The following MAST3 variants were observed in gnomAD, a reference collection of about 807,000 sequenced individuals.
The protein encoded by MAST3 is microtubule associated serine/threonine kinase 3, also known as microtubule-associated serine/threonine-protein kinase 3.
Under a neutral mutation model 127.0 loss-of-function variants are expected in MAST3, and 43 were observed. The ratio of observed to expected loss-of-function variants is 0.34; its 90% CI spans 0.27 to 0.44. The LOEUF is 0.44. Among genes scored for constraint, MAST3 ranks in the 20% least tolerant of loss-of-function variants. The pLI is 1.00. For synonymous variants in MAST3, 785 were observed against 809.2 expected, an observed-to-expected ratio of 0.97 and a Z score of 0.51; for missense variants, 1,390 against 1,919.1, an observed-to-expected ratio of 0.72 and a Z score of 5.15.
At chr19:18,121,962 CGGGCAAGGGTT>C in intron 5 of MAST3, 40 bp downstream of exon 5, 1 of 1,610,636 alleles carries the variant, frequency 6.2e-7, no homozygotes, top group Admixed American at 1.7e-5. Flanking sequence ...GCGGGCACCA[CGGGCAAGGGTT>C]GGGCAGGGGC....
intron 11 of MAST3, among the ~76,000 whole-genome samples, 159 bp downstream of exon 11, chr19:18,124,933 C>CCCG (rs1555798757): frequency 8.8e-5 from 12 of 135,942 alleles, no homozygotes; most frequent in Non-Finnish European, 1.5e-4. Flanking sequence ...TGGTGGAAAC[C>CCCG]CCCCCCCTAC....
chr19:18,121,661 C>G, intron 3 of MAST3, 24 bp from the exon 4 acceptor site: 2 of 1,608,882 alleles, frequency 1.2e-6, no homozygotes, highest in Non-Finnish European at 1.7e-6. Context: ...CAGCCACCTA[C>G]CCTGTCCCCT....
At chr19:18,126,906 G>A (rs930537787) in intron 11 of MAST3, among the ~76,000 whole-genome samples, 139 of 151,654 alleles carry the variant, frequency 9.2e-4, no homozygotes, top group African/African-American at 3.3e-3. Flanking sequence ...TCAGCCTCCC[G>A]AGTAGCTGGG....
At chr19:18,148,678 G>A (rs1310567088) in intron 27 of MAST3, among the ~76,000 whole-genome samples, 2 of 151,954 alleles carry the variant, frequency 1.3e-5, no homozygotes, top group African/African-American at 2.4e-5. Flanking sequence ...CAAAGCAGGC[G>A]GATCACTTGA....
intron 12 of MAST3, 61 bp from the exon 13 acceptor site, chr19:18,128,805 G>T: frequency 7.3e-7 from 1 of 1,365,090 alleles, no homozygotes. Context: ...GGGCTTGGGG[G>T]CAGGAGAAGC....
intron 25 of MAST3, among the ~76,000 whole-genome samples, chr19:18,146,195 T>C (rs993810255): frequency 1.3e-5 from 2 of 152,046 alleles, no homozygotes; most frequent in Non-Finnish European, 2.9e-5. Context: ...TCCCAGCACT[T>C]TGGGAGGCCG....
In MAST3 at chr19:18,145,431, C is replaced by T. The variant is rs916570785; in HGVS notation, c.3039+202C>T. On this transcript the variant is annotated intron_variant, in intron 24 of 27. Coordinates refer to ENST00000687212, the MANE Select transcript of MAST3 (RefSeq NM_001393504.1). This position sits in a 1 kb window ranked among gnomAD's most constrained non-coding sequence, Gnocchi z 5.9. ...GATGGATGGATGGAAGCTCACAGAT[C>T]CCAAGTGGCATTAACCTCCCAGCTC... 6.6e-6 allele frequency among the ~76,000 whole-genome samples: 1 copy of T among 152,176 alleles called. No individual in the cohort carries two copies. Among genetic ancestry groups the T allele is most frequent in the Non-Finnish European group, 1.5e-5 (1 of 68,022 alleles).
At position 18,110,359 on chromosome 19, in the gene MAST3, A is replaced by G; in HGVS notation, c.72-293A>G. ...GGACAAGCTGCACATCCCGGCGCTG[A>G]CCCTCGAGTGAGTGTTGGGCAGGGC... is the stretch of plus-strand genomic sequence containing the variant. On this transcript the variant is annotated intron_variant, in intron 2 of 27. Coordinates refer to ENST00000687212, the MANE Select transcript of MAST3 (RefSeq NM_001393504.1). This position sits in a 1 kb window ranked among gnomAD's most constrained non-coding sequence, Gnocchi z 4.3. 7 of 985,450 alleles carry G rather than the reference A, an allele frequency of 7.1e-6. No individual in the cohort carries two copies. Among genetic ancestry groups the G allele is most frequent in the Non-Finnish European group, 8.4e-6 (7 of 830,012 alleles). The allele number at this position is 985,450 out of a possible 1,614,324, so 61.0% of individuals were successfully genotyped here. A position where few individuals can be genotyped will look rare whatever the true frequency, so the allele number is the denominator to read the frequency against.
chr19:18,100,783 G>A (rs1015326603), intron 1 of MAST3, among the ~76,000 whole-genome samples: 3 of 152,196 alleles, frequency 2.0e-5, no homozygotes, highest in Non-Finnish European at 4.4e-5. Context: ...CTTGTTAATG[G>A]TCCAGGAGCA....
chr19:18,143,996 C>T lies in MAST3; in HGVS notation c.2573C>T (p.Ser858Leu), dbSNP rs779287693. 8.9e-6 allele frequency: 14 copies of T among 1,567,406 alleles called. No homozygotes were observed. Among genetic ancestry groups the T allele is most frequent in the South Asian group, 8.2e-5 (7 of 85,834 alleles). Reference protein sequence around the residue: ...PAATPVMPKPSSLSADTAALS... With the variant: ...PAATPVMPKPLSLSADTAALS... ...GCCACCCCAGTGATGCCCAAGCCCT[C>T]GAGCCTTTCTGGTAAGTGGGGCCCT... The change falls in exon 22 of 28, where the codon TCG becomes TTG. Residue 858 changes from serine (S) to leucine (L), a missense_variant. Ser to Leu is a moderately radical substitution (Grantham distance 145). Transcript: ENST00000687212.
chr19:18,140,905 T>A (rs2042399975), intron 20 of MAST3, among the ~76,000 whole-genome samples: 1 of 152,118 alleles, frequency 6.6e-6, no homozygotes, highest in Non-Finnish European at 1.5e-5. Context: ...GCGATTCTCC[T>A]GCCTCAGCCT....
chr19:18,129,548 T>G (rs1479867526), intron 13 of MAST3, among the ~76,000 whole-genome samples: 2 of 151,988 alleles, frequency 1.3e-5, no homozygotes, highest in Non-Finnish European at 2.9e-5. Context: ...GTTTCACGAG[T>G]CTGCAAAGCA....
intron 1 of MAST3, among the ~76,000 whole-genome samples, chr19:18,104,565 G>C (rs1370998109): frequency 6.6e-6 from 1 of 152,124 alleles, no homozygotes; most frequent in Non-Finnish European, 1.5e-5. Context: ...GTCACTGGTT[G>C]CTATGGCGAA....
intron 3 of MAST3, among the ~76,000 whole-genome samples, chr19:18,118,469 G>A (rs1046420582): frequency 6.6e-6 from 1 of 152,184 alleles, no homozygotes; most frequent in Non-Finnish European, 1.5e-5. Flanking sequence ...CTGTCCGCCA[G>A]CGTCGCAGCT....
chr19:18,140,735 T>C (rs1048392227), intron 20 of MAST3, among the ~76,000 whole-genome samples: 8 of 152,196 alleles, frequency 5.3e-5, no homozygotes, highest in Non-Finnish European at 8.8e-5. Context: ...CCACCCATCT[T>C]TGATGCACAT....
At chr19:18,129,145 C>T in intron 13 of MAST3, 194 bp downstream of exon 13, 1 of 606,198 alleles carries the variant, frequency 1.6e-6, no homozygotes, top group Non-Finnish European at 2.9e-6. Flanking sequence ...CATGTGTGCT[C>T]TGTCCACGAG....
chr19:18,145,892 A>C lies in MAST3; in HGVS notation c.3162+27A>C. The C allele has an allele frequency of 6.4e-7, 1 of 1,561,070 alleles. No individual in the cohort carries two copies. Among genetic ancestry groups the C allele is most frequent in the Non-Finnish European group, 8.6e-7 (1 of 1,158,648 alleles). ...TGCGGCACCCCCACTGCCCACCCTCAGGGCTCCCCAGCACCCCTTGGCCGC... is the reference window on the plus strand; with the variant it reads ...TGCGGCACCCCCACTGCCCACCCTCCGGGCTCCCCAGCACCCCTTGGCCGC... On this transcript the variant is annotated intron_variant, in intron 25 of 27. Coordinates refer to ENST00000687212, the MANE Select transcript of MAST3 (RefSeq NM_001393504.1). This position sits in a 1 kb window ranked among gnomAD's most constrained non-coding sequence, Gnocchi z 5.9.
chr19:18,113,545 C>A (rs1280218053), intron 3 of MAST3, among the ~76,000 whole-genome samples: 1 of 152,036 alleles, frequency 6.6e-6, no homozygotes, highest in Non-Finnish European at 1.5e-5. Context: ...ACTGCAACCT[C>A]CGCCTCCTGG....
chr19:18,128,889 A>C lies in MAST3; in HGVS notation c.1161A>C (p.Ser387=), dbSNP rs2040957197. Reference sequence around the variant, plus strand: ...AGAGCCGCGCCCTGGTCGGCCAGTCACGGAGGAAGCCATGCGAAAGCGACT... The same window carrying C: ...AGAGCCGCGCCCTGGTCGGCCAGTCCCGGAGGAAGCCATGCGAAAGCGACT... ...SPESRALVGQ[S]RRKPCESDFE... is the part of the protein sequence containing the mutation. The change falls in exon 13 of 28, where the codon TCA becomes TCC. Residue 387 remains serine, a synonymous_variant. Transcript: ENST00000687212. The C allele has an allele frequency of 1.9e-6, 3 of 1,613,838 alleles. No homozygotes were observed. The highest frequency in any genetic ancestry group is 8.5e-7 in the Non-Finnish European group (1 of 1,179,886).
Sources: allele counts gnomAD v4.1 joint callset (sites outside exome capture counted in the v4.1 genomes callset), GRCh38; gene constraint gnomAD v4.1.1; non-coding constraint Gnocchi (gnomAD v3.1); transcripts MANE v1.5; gene names NCBI Gene and HGNC (gene_info 2026-07-23, HGNC 2026-07-21).